LRRIQ4: variants seen among roughly 807,000 people sequenced by gnomAD.
LRRIQ4 encodes the protein leucine-rich repeat and IQ domain-containing protein 4.
A neutral mutation model predicts 40.1 loss-of-function variants in LRRIQ4; 21 were observed. The ratio of observed to expected loss-of-function variants is 0.52; its 90% confidence interval spans 0.37 to 0.75. The LOEUF (loss-of-function observed/expected upper bound fraction) is 0.75, where lower values mean the gene tolerates loss of function less well. LRRIQ4 is among the 30% of genes least tolerant of loss of function. The pLI, the probability that LRRIQ4 is intolerant of heterozygous loss-of-function variation, is 0.00. For synonymous variants in LRRIQ4, 277 were observed against 277.1 expected (o/e 1.00, Z 0.00); for missense variants, 655 against 660.0 (o/e 0.99, Z 0.08).
rs183485799 is a variant in LRRIQ4 at position 169,823,452 on chromosome 3, G to T, written c.1020+511G>T. On this transcript the variant is annotated intron_variant, in intron 2 of 5. Coordinates refer to ENST00000340806, the MANE Select transcript of LRRIQ4 (RefSeq NM_001080460.3). Reference sequence around the variant, plus strand: ...AACGTCCACCTCCCGGGTTCAAGCGGTTCTCCTGCCTCAGCCTTTCGAATA... The same window carrying T: ...AACGTCCACCTCCCGGGTTCAAGCGTTTCTCCTGCCTCAGCCTTTCGAATA... Among the ~76,000 whole-genome samples, 21 of 151,780 alleles carry T rather than the reference G, an allele frequency of 1.4e-4. No homozygotes were observed. The East Asian group carries it at 3.3e-3, about 24-fold the overall frequency.
intron 1 of LRRIQ4, among the ~76,000 whole-genome samples, chr3:169,819,336 T>C (rs576044133): frequency 3.9e-5 from 6 of 152,262 alleles, no homozygotes; most frequent in African/African-American, 1.4e-4. Flanking sequence ...GGTATATGAT[T>C]AAGGTGAGAT....
intron 5 of LRRIQ4, among the ~76,000 whole-genome samples, 196 bp downstream of exon 5, chr3:169,833,379 T>C (rs1167280014): frequency 6.6e-6 from 1 of 152,208 alleles, no homozygotes; most frequent in Non-Finnish European, 1.5e-5. Context: ...TTGTCTTTTA[T>C]GTCCCTTATT....
At chr3:169,835,520 G>A (rs568604493) in intron 5 of LRRIQ4, among the ~76,000 whole-genome samples, 1 of 152,100 alleles carries the variant, frequency 6.6e-6, no homozygotes, top group Admixed American at 6.5e-5. Context: ...TATGTTCTCG[G>A]GATGATTTTA....
chr3:169,820,628 C>G (rs1779866919), intron 1 of LRRIQ4, among the ~76,000 whole-genome samples: 1 of 151,998 alleles, frequency 6.6e-6, no homozygotes, highest in East Asian at 1.9e-4. Flanking sequence ...GCTCCGCCCC[C>G]CGGGTTCACG....
chr3:169,814,833 G>C (rs116035392), intron 1 of LRRIQ4, among the ~76,000 whole-genome samples: 2,381 of 152,220 alleles, frequency 0.016, 67 homozygotes, highest in African/African-American at 0.054. Flanking sequence ...AGATAGGGGT[G>C]TAGTTTCATT....
chr3:169,831,591 C>T (rs1160125013), intron 4 of LRRIQ4, among the ~76,000 whole-genome samples: 3 of 148,550 alleles, frequency 2.0e-5, no homozygotes, highest in Non-Finnish European at 3.0e-5. Context: ...CGTGAGCCAC[C>T]GTGCCTGGCC....
chr3:169,827,395 C>A (rs1017529450), intron 2 of LRRIQ4, among the ~76,000 whole-genome samples: 4 of 151,966 alleles, frequency 2.6e-5, no homozygotes, highest in Non-Finnish European at 4.4e-5. Flanking sequence ...ACCACGAGGT[C>A]AGGAGATCGA....
intron 1 of LRRIQ4, among the ~76,000 whole-genome samples, chr3:169,816,142 T>C (rs895289356): frequency 1.1e-4 from 16 of 152,186 alleles, no homozygotes; most frequent in African/African-American, 3.9e-4. Context: ...GGTGTGTCTT[T>C]GGTTTTGGTG....
intron 5 of LRRIQ4, 103 bp from the exon 6 acceptor site, chr3:169,837,376 C>A: frequency 1.2e-5 from 8 of 681,934 alleles, no homozygotes; most frequent in Non-Finnish European, 1.5e-5. Flanking sequence ...ACATCCCATT[C>A]TCTCCACGTC....
chr3:169,830,405 A>AAAAAAAAAAAAAAC (rs1780138944), intron 3 of LRRIQ4, 87 bp from the exon 4 acceptor site: 1 of 571,288 alleles, frequency 1.8e-6, no homozygotes, highest in African/African-American at 2.1e-5. Flanking sequence ...AAAAAAAAAA[A>AAAAAAAAAAAAAAC]AAAATGCATG....
chr3:169,815,769 C>T (rs181813810), intron 1 of LRRIQ4, among the ~76,000 whole-genome samples: 16 of 152,300 alleles, frequency 1.1e-4, no homozygotes, highest in East Asian at 1.9e-4. Context: ...ATACTACCTA[C>T]GGGCCTGTCA....
chr3:169,835,399 A>G (rs1439234623), intron 5 of LRRIQ4, among the ~76,000 whole-genome samples: 6 of 89,232 alleles, frequency 6.7e-5, no homozygotes, highest in Admixed American at 1.2e-4. Flanking sequence ...TGTGTGTCCT[A>G]ATGATTTTTG....
chr3:169,820,355 C>G (rs1199054555), intron 1 of LRRIQ4, among the ~76,000 whole-genome samples: 1 of 150,884 alleles, frequency 6.6e-6, no homozygotes, highest in African/African-American at 2.4e-5. Flanking sequence ...ATTTATAAGC[C>G]TAGTAGTGTA....
At chr3:169,832,940 A>G (rs777015626) in intron 4 of LRRIQ4, 47 bp from the exon 5 acceptor site, 57 of 1,522,454 alleles carry the variant, frequency 3.7e-5, no homozygotes, top group Non-Finnish European at 3.1e-5. Flanking sequence ...ACAAGTTAAT[A>G]TTGTTTCTTC....
chr3:169,825,179 T>C (rs1421694295), intron 2 of LRRIQ4, among the ~76,000 whole-genome samples: 1 of 152,022 alleles, frequency 6.6e-6, no homozygotes, highest in Non-Finnish European at 1.5e-5. Context: ...GGCTAATTTA[T>C]GTATTTTTAG....
rs367891281 is a variant in LRRIQ4 at position 169,833,111 on chromosome 3, G to A, written c.1458G>A (p.Val486=). ...DNPMEEPPKE[V]CAEGNEAIWK... ...CCATGGAAGAACCCCCAAAAGAAGT[G>A]TGTGCTGAAGGCAATGAGGCCATAT... Residue 486 remains valine, a synonymous_variant, in exon 5 of 6, where the codon GTG becomes GTA. Coordinates refer to ENST00000340806, the MANE Select transcript of LRRIQ4 (RefSeq NM_001080460.3). The A allele has an allele frequency of 2.1e-5, 34 of 1,613,900 alleles. No individual in the cohort carries two copies. In the African/African-American group the frequency reaches 4.4e-4, roughly 21 times the overall value.
chr3:169,828,257 G>C (rs1012041734), intron 2 of LRRIQ4, among the ~76,000 whole-genome samples: 8 of 151,318 alleles, frequency 5.3e-5, no homozygotes, highest in African/African-American at 1.5e-4. Context: ...TTTTGAGACA[G>C]ATTCTCGCTC....
At chr3:169,824,551 C>T (rs955914981) in intron 2 of LRRIQ4, among the ~76,000 whole-genome samples, 4 of 152,074 alleles carry the variant, frequency 2.6e-5, no homozygotes, top group African/African-American at 4.8e-5. Flanking sequence ...CTCACTCTGT[C>T]ACCCAGGCTG....
chr3:169,818,671 G>A (rs1426885251), intron 1 of LRRIQ4, among the ~76,000 whole-genome samples: 2 of 152,152 alleles, frequency 1.3e-5, no homozygotes, highest in African/African-American at 2.4e-5. Context: ...TACCAAAGTG[G>A]CATATTTTGG....
Sources: gnomAD v4.1 joint callset for allele counts (sites outside exome capture counted in the v4.1 genomes callset) on GRCh38, gnomAD v4.1.1 for gene constraint, MANE v1.5 for transcripts, NCBI Gene and HGNC (gene_info 2026-07-23, HGNC 2026-07-21) for gene names.